Variants in ERC1 observed in about 807,000 individuals in gnomAD.
The protein encoded by ERC1 is RAB6 interacting protein 2.
ERC1 carries 56 observed loss-of-function variants against 132.0 expected under a neutral mutation model. The ratio of observed to expected loss-of-function variants is 0.42; its 90% confidence interval spans 0.34 to 0.53. The LOEUF (loss-of-function observed/expected upper bound fraction) is 0.53, where lower values mean the gene tolerates loss of function less well. Among genes scored for constraint, ERC1 ranks in the 20% least tolerant of loss-of-function variants. ERC1 has a pLI of 0.03. For missense variants in ERC1, 1,202 were observed against 1,349.9 expected (o/e 0.89, Z 1.72); for synonymous variants, 478 against 476.1 (o/e 1.00, Z -0.05).
intron 15 of ERC1, among the ~76,000 whole-genome samples, chr12:1,306,062 G>A (rs1416006812): frequency 6.6e-6 from 1 of 151,886 alleles, no homozygotes; most frequent in East Asian, 1.9e-4. Context: ...AAACTTTATG[G>A]TGTCTTCTGG....
At position 1,141,770 on chromosome 12, in the gene ERC1, A is replaced by T; in HGVS notation, c.1720A>T (p.Asn574Tyr). The change falls in exon 8 of 19, where the codon AAT (asparagine) becomes TAT (tyrosine). Residue 574 changes from asparagine to tyrosine, a missense_variant. Physicochemically the swap from Asn to Tyr is moderately radical, Grantham distance 143. Transcript: ENST00000360905. ...GTTGGATGTGAAGGAGCGGAAGGTT[A>T]ATGTTCTTCAGAAGAAGGTAAGGTA... ...DMLDVKERKV[N>Y]VLQKKIENLQ... 1 of 1,602,524 alleles carries T rather than the reference A, an allele frequency of 6.2e-7. No individual in the cohort carries two copies. Among genetic ancestry groups the T allele is most frequent in the Non-Finnish European group, 8.5e-7 (1 of 1,174,428 alleles).
rs147149330 is a variant in ERC1, at chr12:1,059,931, T to G, written c.670-23233T>G. ...GAATTGGTGTTAGTTCTTTAAAAGT[T>G]TTGTAGAATTTAGCATTAAAGCTAT... On this transcript the variant is annotated intron_variant, in intron 2 of 18. Coordinates refer to ENST00000360905, the MANE Select transcript of ERC1 (RefSeq NM_178040.4). Among the ~76,000 whole-genome samples, 451 of 152,342 alleles carry G rather than the reference T, an allele frequency of 3.0e-3. 1 individual carries two copies. The highest frequency in any genetic ancestry group is 9.8e-3 in the African/African-American group (408 of 41,570).
intron 13 of ERC1, among the ~76,000 whole-genome samples, chr12:1,241,841 CTTCTTCTTTTT>C (rs2075815432): frequency 9.2e-6 from 1 of 108,708 alleles, no homozygotes; most frequent in African/African-American, 3.7e-5. Context: ...TGCATTTCTT[CTTCTTCTTTTT>C]TTTTTTTTTT....
intron 18 of ERC1, among the ~76,000 whole-genome samples, chr12:1,483,668 CTTTTTTTTTTTTTTTTTTTTTTTTTTT>C (rs35596394): frequency 1.1e-4 from 6 of 55,190 alleles, no homozygotes; most frequent in Non-Finnish European, 1.8e-4. Context: ...CCACTGAGAG[CTTTTTTTTTTTTTTTTTTTTTTTTTTT>C]TTTTTTTTTT....
chr12:1,060,325 C>A (rs552379938), intron 2 of ERC1, among the ~76,000 whole-genome samples: 1 of 151,958 alleles, frequency 6.6e-6, no homozygotes, highest in African/African-American at 2.4e-5. Context: ...AACCCTCCCC[C>A]CTTCCCCCAC....
At chr12:1,477,343 T>TC (rs2093994700) in intron 18 of ERC1, among the ~76,000 whole-genome samples, 1 of 152,018 alleles carries the variant, frequency 6.6e-6, no homozygotes, top group African/African-American at 2.4e-5. Context: ...ATTATCACCC[T>TC]CCCCCCTTTT....
At chr12:1,235,693 G>C (rs1001694220) in intron 12 of ERC1, among the ~76,000 whole-genome samples, 1 of 152,110 alleles carries the variant, frequency 6.6e-6, no homozygotes, top group African/African-American at 2.4e-5. Context: ...TGTATTAATG[G>C]ATGTGGAGAG....
At position 1,400,916 on chromosome 12, in the gene ERC1, A is replaced by ATTTTTTTTTTTTTTTTTTTT. The variant is rs869202443; in HGVS notation, c.2926-7215_2926-7196dup. On this transcript the variant is annotated intron_variant, in intron 16 of 18. Transcript: ENST00000360905. ...TCAATATTGTTTTGGCTATTTTTGTATTTTTTTTTTTTTTTTTTTTTTTTT... is the reference window on the plus strand; with the variant it reads ...TCAATATTGTTTTGGCTATTTTTGTATTTTTTTTTTTTTTTTTTTTTTTTTTTTTTTTTTTTTTTTTTTTT... Among the ~76,000 whole-genome samples the ATTTTTTTTTTTTTTTTTTTT allele has an allele frequency of 2.7e-4, 4 of 15,058 alleles. 1 individual carries two copies. Among genetic ancestry groups the ATTTTTTTTTTTTTTTTTTTT allele is most frequent in the Non-Finnish European group, 4.4e-4 (4 of 9,122 alleles). The allele number at this position is 15,058 out of a possible 152,430, so 9.9% of individuals were successfully genotyped here.
chr12:1,323,141 A>G (rs1020045895), intron 15 of ERC1, among the ~76,000 whole-genome samples: 2 of 151,658 alleles, frequency 1.3e-5, no homozygotes, highest in Non-Finnish European at 2.9e-5. Flanking sequence ...TTATGTGACT[A>G]TTCAACATTT....
intron 3 of ERC1, among the ~76,000 whole-genome samples, chr12:1,096,570 G>A (rs559630805): frequency 6.6e-6 from 1 of 152,240 alleles, no homozygotes; most frequent in East Asian, 1.9e-4. Context: ...GATTCAACAT[G>A]GACAAACTAG....
At chr12:1,464,637 C>T (rs2093707805) in intron 18 of ERC1, among the ~76,000 whole-genome samples, 2 of 150,234 alleles carry the variant, frequency 1.3e-5, no homozygotes, top group Admixed American at 1.3e-4. Context: ...CTCCTGCCCT[C>T]ACCCTCCCGA....
intron 8 of ERC1, among the ~76,000 whole-genome samples, chr12:1,146,033 A>T (rs964082412): frequency 1.3e-5 from 2 of 152,162 alleles, no homozygotes; most frequent in Non-Finnish European, 2.9e-5. Flanking sequence ...CTTATTGCTT[A>T]GTCTTGCCTT....
chr12:1,230,677 C>T (rs1171319531), intron 12 of ERC1, among the ~76,000 whole-genome samples: 4 of 152,142 alleles, frequency 2.6e-5, no homozygotes, highest in African/African-American at 4.8e-5. Context: ...AAAGTCCTCT[C>T]TTGTTATTGT....
At chr12:1,266,500 G>A (rs2077494239) in intron 14 of ERC1, among the ~76,000 whole-genome samples, 1 of 145,410 alleles carries the variant, frequency 6.9e-6, no homozygotes, top group Non-Finnish European at 1.5e-5. Context: ...TGCCTCCAGG[G>A]TTCAAGCCAT....
At chr12:1,009,232 C>T (rs1468186431) in intron 1 of ERC1, among the ~76,000 whole-genome samples, 33 of 150,706 alleles carry the variant, frequency 2.2e-4, no homozygotes, top group African/African-American at 2.0e-4. Flanking sequence ...TGGAGTGCAG[C>T]GGCACTATCT....
At chr12:1,193,581 A>G (rs903594739) in intron 12 of ERC1, among the ~76,000 whole-genome samples, 11 of 152,148 alleles carry the variant, frequency 7.2e-5, no homozygotes, top group African/African-American at 2.7e-4. Flanking sequence ...GATTTATTAC[A>G]GAGAATAGTC....
chr12:1,090,863 GTTGTTATTATTA>G (rs1330459994), intron 3 of ERC1, among the ~76,000 whole-genome samples: 2,280 of 44,532 alleles, frequency 0.051, 778 homozygotes, highest in African/African-American at 0.18. Context: ...TGTTGTTGTT[GTTGTTATTATTA>G]TTATTATTAT....
intron 2 of ERC1, among the ~76,000 whole-genome samples, chr12:1,078,391 A>G (rs1941672673): frequency 6.6e-6 from 1 of 151,958 alleles, no homozygotes; most frequent in South Asian, 2.1e-4. Flanking sequence ...TGATGCTGGT[A>G]GTGAAATGCA....
At chr12:1,109,984 T>A (rs1014104084) in intron 4 of ERC1, among the ~76,000 whole-genome samples, 5 of 152,290 alleles carry the variant, frequency 3.3e-5, no homozygotes, top group Middle Eastern at 3.4e-3. Context: ...GAGGCAGAGG[T>A]TGCAGTGAGC....
Sources: allele counts gnomAD v4.1 joint callset (sites outside exome capture counted in the v4.1 genomes callset), GRCh38; gene constraint gnomAD v4.1.1; transcripts MANE v1.5; gene names NCBI Gene and HGNC (gene_info 2026-07-23, HGNC 2026-07-21).